The following WASHC5 variants were observed in gnomAD, a reference collection of about 807,000 sequenced individuals.
WASHC5 encodes WASH complex subunit 5, also known as WASH complex subunit strumpellin.
WASHC5 carries 101 observed loss-of-function variants against 150.4 expected under a neutral mutation model. That is an observed-to-expected ratio of 0.67 (90% CI 0.57 to 0.79). The LOEUF (loss-of-function observed/expected upper bound fraction) is 0.79. Among genes scored for constraint, WASHC5 ranks in the 30% least tolerant of loss-of-function variants. The pLI, the probability that WASHC5 is intolerant of heterozygous loss-of-function variation, is 0.00. For missense variants in WASHC5, 1,195 were observed against 1,396.3 expected (o/e 0.86, Z 2.30); for synonymous variants, 467 against 491.2 (o/e 0.95, Z 0.65).
intron 10 of WASHC5, among the ~76,000 whole-genome samples, chr8:125,064,767 A>G (rs771013182): frequency 1.3e-5 from 2 of 152,274 alleles, no homozygotes; most frequent in Non-Finnish European, 2.9e-5. Flanking sequence ...ACTTGCCAGC[A>G]TCATAATAAA....
intron 27 of WASHC5, among the ~76,000 whole-genome samples, chr8:125,031,933 G>C (rs1012146762): frequency 2.6e-5 from 4 of 152,178 alleles, no homozygotes; most frequent in African/African-American, 9.7e-5. Context: ...AGATTGAAGA[G>C]CTGCATCCAA....
chr8:125,080,501 C>T (rs557350059), intron 5 of WASHC5, among the ~76,000 whole-genome samples: 2 of 144,970 alleles, frequency 1.4e-5, no homozygotes, highest in Non-Finnish European at 2.9e-5. Context: ...CTGGTATTGC[C>T]GAAAAGTATA....
intron 6 of WASHC5, among the ~76,000 whole-genome samples, chr8:125,077,204 T>C (rs11985488): frequency 0.11 from 16,769 of 152,214 alleles, 2,164 homozygotes; most frequent in African/African-American, 0.31. Context: ...AGGGCAGACA[T>C]AGCCATGTCA....
rs532212405 is a variant in WASHC5 at position 125,034,094 on chromosome 8, G to A, written c.3182-1700C>T. Among the ~76,000 whole-genome samples, 56 of 152,164 alleles carry A rather than the reference G, an allele frequency of 3.7e-4. No individual in the cohort carries two copies. The South Asian group carries it at 1.0e-2, about 27-fold the overall frequency. On this transcript the variant is annotated intron_variant, in intron 26 of 28. Coordinates refer to ENST00000318410, the MANE Select transcript of WASHC5 (RefSeq NM_014846.4). ...AGCATAAGACTAGAACAGGCACTTC[G>A]CAGAGAAGGATATAAGGAATGGCCA...
At chr8:125,080,010 G>C (rs556925927) in intron 5 of WASHC5, among the ~76,000 whole-genome samples, 3 of 152,240 alleles carry the variant, frequency 2.0e-5, no homozygotes, top group African/African-American at 7.2e-5. Context: ...TTCTTGGCAA[G>C]CTGTTCCTTC....
intron 27 of WASHC5, among the ~76,000 whole-genome samples, chr8:125,031,815 A>G (rs1815547053): frequency 6.6e-6 from 1 of 152,184 alleles, no homozygotes; most frequent in Admixed American, 6.5e-5. Flanking sequence ...GCTTCTCTAC[A>G]TGCAGACACT....
intron 16 of WASHC5, 101 bp downstream of exon 16, chr8:125,056,576 G>A: frequency 7.6e-7 from 1 of 1,307,412 alleles, no homozygotes; most frequent in Non-Finnish European, 1.1e-6. Context: ...AGTCAGAATT[G>A]GTCTGGTGGT....
At chr8:125,032,890 G>T (rs140612795) in intron 26 of WASHC5, among the ~76,000 whole-genome samples, 1 of 151,910 alleles carries the variant, frequency 6.6e-6, no homozygotes, top group African/African-American at 2.4e-5. Context: ...TATTTATGAA[G>T]TGAATGAGTA....
rs770619335 is a variant in WASHC5 at position 125,038,913 on chromosome 8, G to A, written c.3001C>T (p.Pro1001Ser). Residue 1001 changes from proline to serine, a missense_variant, in exon 25 of 29, where the codon CCT becomes TCT. This residue lies in a region of WASHC5 where 997 missense variants were observed against 1,168.1 expected (regional missense o/e 0.85). Coordinates refer to ENST00000318410, the MANE Select transcript of WASHC5 (RefSeq NM_014846.4). Reference protein sequence around the residue: ...IEAHYQDPSLPYPKEDNTLLY... With the variant: ...IEAHYQDPSLSYPKEDNTLLY... ...AGTGTGTTATCTTCTTTGGGGTAAGGAAGTGAAGGGTCCTGATAGTGGGCT... is the reference window on the plus strand; with the variant it reads ...AGTGTGTTATCTTCTTTGGGGTAAGAAAGTGAAGGGTCCTGATAGTGGGCT... 36 of 1,614,050 alleles carry A rather than the reference G, an allele frequency of 2.2e-5. No individual in the cohort carries two copies. The highest frequency in any genetic ancestry group is 3.0e-5 in the Non-Finnish European group (35 of 1,179,890).
Position 125,024,580 on chromosome 8 carries a change from A to G in WASHC5, c.*37T>C. The G allele has an allele frequency of 9.6e-6, 14 of 1,461,664 alleles. No individual in the cohort carries two copies. The highest frequency in any genetic ancestry group is 1.2e-5 in the Non-Finnish European group (13 of 1,040,988). 90.5% of individuals were successfully genotyped at this position (1,461,664 alleles called of 1,614,324 possible). On this transcript the variant is annotated 3_prime_UTR_variant, in exon 29 of 29. Coordinates refer to ENST00000318410, the MANE Select transcript of WASHC5 (RefSeq NM_014846.4). ...TTCATTTGTGATGGTGGGAAGATCTAAGGACAATCCTTCCATTGAAGAAGT... is the reference window on the plus strand; with the variant it reads ...TTCATTTGTGATGGTGGGAAGATCTGAGGACAATCCTTCCATTGAAGAAGT...
Position 125,067,479 on chromosome 8 carries a change from A to G in WASHC5, c.1278+113T>C, listed in dbSNP as rs10429386. The G allele has an allele frequency of 6.5e-3, 6,027 of 930,074 alleles. 250 individuals are homozygous for G. The African/African-American group carries it at 0.09, about 14-fold the overall frequency. The allele number at this position is 930,074 out of a possible 1,614,324, so 57.6% of individuals were successfully genotyped here. On this transcript the variant is annotated intron_variant, in intron 10 of 28. Transcript: ENST00000318410. Reference sequence around the variant, plus strand: ...ACTATAAGAACTATCTCAACAGCTCAAATCTGTACCTTGAATCAGAGACAG... The same window carrying G: ...ACTATAAGAACTATCTCAACAGCTCGAATCTGTACCTTGAATCAGAGACAG...
chr8:125,049,536 G>T (rs1816175907), intron 18 of WASHC5, among the ~76,000 whole-genome samples: 1 of 151,786 alleles, frequency 6.6e-6, no homozygotes, highest in African/African-American at 2.4e-5. Flanking sequence ...CAGCCTGGGA[G>T]ACAGAGCAAG....
At chr8:125,032,732 C>A in intron 26 of WASHC5, 1 of 335,552 alleles carries the variant, frequency 3.0e-6, no homozygotes, top group South Asian at 2.6e-5. Flanking sequence ...CAACTGACTT[C>A]TGTTAACGGC....
chr8:125,054,275 A>G (rs1317770031), intron 17 of WASHC5, among the ~76,000 whole-genome samples: 1 of 152,258 alleles, frequency 6.6e-6, no homozygotes, highest in Non-Finnish European at 1.5e-5. Context: ...AATAAATTGC[A>G]AAAGCAATAA....
intron 17 of WASHC5, among the ~76,000 whole-genome samples, chr8:125,052,527 T>C (rs1816269458): frequency 6.6e-6 from 1 of 152,036 alleles, no homozygotes; most frequent in South Asian, 2.1e-4. Flanking sequence ...TATACATGTA[T>C]ATGTACAGAG....
chr8:125,087,882 T>A (rs1451049528), intron 1 of WASHC5, among the ~76,000 whole-genome samples: 2 of 152,144 alleles, frequency 1.3e-5, no homozygotes, highest in African/African-American at 2.4e-5. Context: ...ATTACAAATG[T>A]ATCTTGAAAT....
rs1815799051 is a variant in WASHC5, at chr8:125,038,953, G to A, written c.2961C>T (p.Leu987=). The stretch of plus-strand genomic sequence containing the variant: ...GATAGTGGGCTTCAATGTCTGCTAG[G>A]AGAGCCCTAAAGGAAGAAAAACCCT... The part of the protein sequence containing the change: ...AAALENLNKA[L]LADIEAHYQD... The change falls in exon 25 of 29, where the codon CTC becomes CTT. Residue 987 remains leucine (L), a synonymous_variant. Coordinates refer to ENST00000318410, the MANE Select transcript of WASHC5 (RefSeq NM_014846.4). 1 of 1,613,676 alleles carries A rather than the reference G, an allele frequency of 6.2e-7. No homozygotes were observed. Among genetic ancestry groups the A allele is most frequent in the Non-Finnish European group, 8.5e-7 (1 of 1,179,754 alleles).
chr8:125,026,703 GTA>G (rs1252447694), intron 28 of WASHC5, among the ~76,000 whole-genome samples: 3 of 151,862 alleles, frequency 2.0e-5, no homozygotes, highest in African/African-American at 7.3e-5. Context: ...ATGTACCATT[GTA>G]TGCACAGGGT....
intron 9 of WASHC5, among the ~76,000 whole-genome samples, chr8:125,069,353 T>C (rs1253761781): frequency 2.0e-5 from 3 of 152,268 alleles, no homozygotes; most frequent in Non-Finnish European, 2.9e-5. Context: ...TATTCTGTTA[T>C]AGCAGCAGAA....
Sources: allele counts gnomAD v4.1 joint callset (sites outside exome capture counted in the v4.1 genomes callset), GRCh38; gene constraint gnomAD v4.1.1; regional missense constraint gnomAD v4.1.1; transcripts MANE v1.5; gene names NCBI Gene and HGNC (gene_info 2026-07-23, HGNC 2026-07-21).